JPH3: variants seen among roughly 807,000 people sequenced by gnomAD.
The protein encoded by JPH3 is junctophilin 3.
Under a neutral mutation model 59.6 loss-of-function variants are expected in JPH3, and 11 were observed. That is an observed-to-expected ratio of 0.18 (90% CI 0.12 to 0.31). The LOEUF is 0.31. JPH3 is among the 10% of genes least tolerant of loss of function. The pLI is 1.00. For synonymous variants in JPH3, 673 were observed against 483.6 expected, an observed-to-expected ratio of 1.39 and a Z score of -5.14; for missense variants, 1,202 against 1,105.7, an observed-to-expected ratio of 1.09 and a Z score of -1.24.
chr16:87,646,548 A>C (rs11117291), intron 2 of JPH3, among the ~76,000 whole-genome samples: 58,921 of 152,146 alleles, frequency 0.39, 12,267 homozygotes, highest in East Asian at 0.72. Context: ...CAGGAAAATA[A>C]ATAACACTGA....
chr16:87,614,880 C>A (rs1276128624), intron 1 of JPH3, among the ~76,000 whole-genome samples: 1 of 123,512 alleles, frequency 8.1e-6, no homozygotes, highest in African/African-American at 3.2e-5. Flanking sequence ...ACACGAGGAG[C>A]CGCGCGTCCC....
rs2030310795 is a variant in JPH3 at position 87,602,988 on chromosome 16, C to T, written c.-159C>T. The T allele has an allele frequency of 4.1e-6, 3 of 726,672 alleles. No individual in the cohort carries two copies. The highest frequency in any genetic ancestry group is 3.9e-5 in the South Asian group (2 of 51,208). 45.0% of individuals were successfully genotyped at this position (726,672 alleles called of 1,614,324 possible). ...TTGACTGAAATTCCTCCGGAGCCGG[C>T]GCCGCGGCCGCCCGCGCCCGAGACC... On this transcript the variant is annotated 5_prime_UTR_variant, in exon 1 of 5. Coordinates refer to ENST00000284262, the MANE Select transcript of JPH3 (RefSeq NM_020655.4).
rs757158173 is a variant in JPH3 at position 87,604,273 on chromosome 16, A to G, written c.382+745A>G. 23 of 1,454,494 alleles carry G rather than the reference A, an allele frequency of 1.6e-5. No homozygotes were observed. In the Admixed American group the frequency reaches 4.6e-4, roughly 29 times the overall value. 90.1% of individuals were successfully genotyped at this position (1,454,494 alleles called of 1,614,324 possible). On this transcript the variant is annotated intron_variant, in intron 1 of 4. Coordinates refer to ENST00000284262, the MANE Select transcript of JPH3 (RefSeq NM_020655.4). Reference sequence around the variant, plus strand: ...GCATTCGGGGCAGAGCCGGGGCCGGAAGCCAGGGAGCTGCCTGCTGCTGCT... The same window carrying G: ...GCATTCGGGGCAGAGCCGGGGCCGGGAGCCAGGGAGCTGCCTGCTGCTGCT...
At chr16:87,608,523 C>G (rs564855812) in intron 1 of JPH3, among the ~76,000 whole-genome samples, 3 of 152,134 alleles carry the variant, frequency 2.0e-5, no homozygotes, top group Admixed American at 6.5e-5. Context: ...GGTCCTGGCT[C>G]GAACTTGAGT....
intron 2 of JPH3, among the ~76,000 whole-genome samples, chr16:87,649,250 G>A (rs2032252199): frequency 6.6e-6 from 1 of 152,206 alleles, no homozygotes; most frequent in South Asian, 2.1e-4. Flanking sequence ...ACTAGTGAAA[G>A]TCTGAGATGG....
At position 87,690,358 on chromosome 16, in the gene JPH3, G is replaced by T; in HGVS notation, c.1998G>T (p.Arg666Ser). The T allele has an allele frequency of 6.4e-7, 1 of 1,559,246 alleles. No individual in the cohort carries two copies. The highest frequency in any genetic ancestry group is 8.7e-7 in the Non-Finnish European group (1 of 1,155,086). Residue 666 changes from arginine (R) to serine (S), a missense_variant, in exon 4 of 5, where the codon AGG becomes AGT. Physicochemically the swap from Arg to Ser is moderately radical, Grantham distance 110 (BLOSUM62 -1). Transcript: ENST00000284262. ...RSKAQNKENF[R>S]PASSAEPAVQ... ...AGGCCCAGAACAAGGAGAACTTCAG[G>T]CCGGCCTCCTCCGCGGAGCCCGCCG...
chr16:87,663,371 C>T (rs755218716), intron 2 of JPH3, among the ~76,000 whole-genome samples: 9 of 152,204 alleles, frequency 5.9e-5, no homozygotes, highest in Non-Finnish European at 1.3e-4. Flanking sequence ...GCCTCCCAAA[C>T]TACTGGGATT....
chr16:87,627,010 T>C (rs2031402308), intron 1 of JPH3, among the ~76,000 whole-genome samples: 1 of 152,196 alleles, frequency 6.6e-6, no homozygotes, highest in Admixed American at 6.5e-5. Flanking sequence ...AAGATAATTT[T>C]AAAAGGTGGT....
intron 2 of JPH3, 116 bp downstream of exon 2, chr16:87,645,151 C>A: frequency 9.4e-7 from 1 of 1,067,568 alleles, no homozygotes; most frequent in Non-Finnish European, 1.3e-6. Context: ...TTGAGGCCTA[C>A]ACTGGTGTTT....
At chr16:87,630,965 G>A (rs907732273) in intron 1 of JPH3, among the ~76,000 whole-genome samples, 2 of 152,210 alleles carry the variant, frequency 1.3e-5, no homozygotes, top group Non-Finnish European at 2.9e-5. Flanking sequence ...AGGCAATGGA[G>A]TCTGATTCTG....
At chr16:87,641,304 G>A (rs1467700725) in intron 1 of JPH3, among the ~76,000 whole-genome samples, 3 of 152,210 alleles carry the variant, frequency 2.0e-5, no homozygotes, top group Admixed American at 1.3e-4. Context: ...CATCACTGGA[G>A]TCGGAGGTTG....
chr16:87,648,750 ACAT>A (rs1056917932), intron 2 of JPH3, among the ~76,000 whole-genome samples: 2 of 152,188 alleles, frequency 1.3e-5, no homozygotes, highest in African/African-American at 4.8e-5. Context: ...CGGCCATGTG[ACAT>A]CATTGTTTGG....
chr16:87,636,814 G>T (rs1009132888), intron 1 of JPH3, among the ~76,000 whole-genome samples: 1 of 152,248 alleles, frequency 6.6e-6, no homozygotes, highest in African/African-American at 2.4e-5. Flanking sequence ...CAGTTCATGC[G>T]TCGCTTAAAC....
intron 3 of JPH3, among the ~76,000 whole-genome samples, chr16:87,688,094 C>T (rs901514707): frequency 6.6e-6 from 1 of 152,196 alleles, no homozygotes; most frequent in Non-Finnish European, 1.5e-5. Context: ...CAGACCTTCT[C>T]TGGCCCATTC....
At chr16:87,684,726 G>A (rs1307856345) in intron 3 of JPH3, among the ~76,000 whole-genome samples, 1 of 152,254 alleles carries the variant, frequency 6.6e-6, no homozygotes, top group African/African-American at 2.4e-5. Flanking sequence ...AACACACCCA[G>A]TGGCTGCTGG....
At chr16:87,616,545 C>T (rs7191413) in intron 1 of JPH3, among the ~76,000 whole-genome samples, 11 of 151,840 alleles carry the variant, frequency 7.2e-5, no homozygotes, top group South Asian at 6.3e-4. Flanking sequence ...CCACTGTGCC[C>T]AGCCAGGTTT....
At chr16:87,616,974 C>G (rs1164540389) in intron 1 of JPH3, among the ~76,000 whole-genome samples, 4 of 152,220 alleles carry the variant, frequency 2.6e-5, no homozygotes, top group Admixed American at 6.5e-5. Context: ...CCTGTAATCC[C>G]AGCACTTTGA....
chr16:87,603,550 G>T, intron 1 of JPH3, 22 bp downstream of exon 1: 2 of 1,541,144 alleles, frequency 1.3e-6, no homozygotes, highest in Non-Finnish European at 1.7e-6. Context: ...GGGCCGGGCC[G>T]GGCCGGGGCG....
At chr16:87,604,653 G>T in intron 1 of JPH3, 1 of 1,162,008 alleles carries the variant, frequency 8.6e-7, no homozygotes, top group Non-Finnish European at 1.1e-6. Context: ...CTCCCCGCCC[G>T]CTCGCTGCCT....
Sources: gnomAD v4.1 joint callset for allele counts (sites outside exome capture counted in the v4.1 genomes callset) on GRCh38, gnomAD v4.1.1 for gene constraint, MANE v1.5 for transcripts, NCBI Gene and HGNC (gene_info 2026-07-23, HGNC 2026-07-21) for gene names.